The following NHERF2 variants were observed in gnomAD, a reference collection of about 807,000 sequenced individuals.
NHERF2 encodes NHERF family PDZ scaffold protein 2, also known as Na(+)/H(+) exchange regulatory cofactor NHE-RF2.
At chr16:2,033,280 A>C in the NHERF2 span, 7 of 1,531,094 alleles carry the variant, frequency 4.6e-6, no homozygotes, top group Non-Finnish European at 6.1e-6. Context: ...GTGGGGTGGC[A>C]GCCTGGGTCG....
the NHERF2 span, chr16:2,032,936 C>T: frequency 1.8e-6 from 2 of 1,086,220 alleles, no homozygotes; most frequent in South Asian, 4.9e-5. This position sits in a 1 kb window ranked among gnomAD's most constrained non-coding sequence, Gnocchi z 4.0. Context: ...GGTGACAGTT[C>T]TGCGGGAGGC....
chr16:2,032,246 T>C, the NHERF2 span, among the ~76,000 whole-genome samples: 2 of 151,690 alleles, frequency 1.3e-5, no homozygotes, highest in Non-Finnish European at 2.9e-5. The surrounding 1 kb of genome is among the most constrained non-coding windows in gnomAD (Gnocchi z 4.0). Flanking sequence ...TCTCAAACTC[T>C]TGGGCTCAAG....
chr16:2,037,346 C>T, the NHERF2 span, among the ~76,000 whole-genome samples: 4 of 152,250 alleles, frequency 2.6e-5, no homozygotes, highest in Non-Finnish European at 5.9e-5. Flanking sequence ...CACCATGAGC[C>T]GGCCAGGCCA....
At chr16:2,033,572 C>A in the NHERF2 span, 2 of 918,918 alleles carry the variant, frequency 2.2e-6, no homozygotes, top group Non-Finnish European at 3.2e-6. Flanking sequence ...TCTGCCAGGG[C>A]TGGTGCGTCA....
the NHERF2 span, among the ~76,000 whole-genome samples, chr16:2,037,224 G>A: frequency 1.3e-5 from 2 of 152,130 alleles, no homozygotes; most frequent in African/African-American, 4.8e-5. Flanking sequence ...TCCTCTCCTG[G>A]GCACCACCTG....
the NHERF2 span, among the ~76,000 whole-genome samples, chr16:2,028,437 A>G: frequency 1.3e-5 from 2 of 152,180 alleles, no homozygotes; most frequent in South Asian, 2.1e-4. Flanking sequence ...TGCTTTTCCA[A>G]GGCCCTGTGG....
chr16:2,032,210 G>C, the NHERF2 span, among the ~76,000 whole-genome samples: 1 of 152,088 alleles, frequency 6.6e-6, no homozygotes, highest in African/African-American at 2.4e-5. The surrounding 1 kb of genome is among the most constrained non-coding windows in gnomAD (Gnocchi z 4.0). Context: ...GGTAGAGACA[G>C]GGTTTCACCG....
At chr16:2,032,438 T>A in the NHERF2 span, among the ~76,000 whole-genome samples, 1 of 152,140 alleles carries the variant, frequency 6.6e-6, no homozygotes, top group East Asian at 1.9e-4. This position sits in a 1 kb window ranked among gnomAD's most constrained non-coding sequence, Gnocchi z 4.0. Context: ...AGGGCATGCC[T>A]CAGATGGTCA....
the NHERF2 span, chr16:2,032,877 G>C: frequency 2.1e-5 from 21 of 1,019,840 alleles, no homozygotes; most frequent in Non-Finnish European, 2.2e-5. This position sits in a 1 kb window ranked among gnomAD's most constrained non-coding sequence, Gnocchi z 4.0. Flanking sequence ...CCTAGCCCAT[G>C]TCTCCACCCC....
At chr16:2,029,072 A>G in the NHERF2 span, among the ~76,000 whole-genome samples, 189 of 151,982 alleles carry the variant, frequency 1.2e-3, no homozygotes, top group Non-Finnish European at 1.8e-3. Context: ...AGGAGTTTAG[A>G]CTCCCACACT....
the NHERF2 span, chr16:2,035,593 G>A: frequency 2.0e-5 from 20 of 986,314 alleles, no homozygotes; most frequent in Middle Eastern, 5.1e-4. Flanking sequence ...GCTGGCCACC[G>A]CCGCCGCACC....
At chr16:2,036,542 G>A in the NHERF2 span, 180 of 1,549,360 alleles carry the variant, frequency 1.2e-4, no homozygotes, top group Non-Finnish European at 1.3e-4. Context: ...CGAGTGCCCC[G>A]CACCTGTCCA....
the NHERF2 span, among the ~76,000 whole-genome samples, chr16:2,031,795 G>A: frequency 0.017 from 2,643 of 152,094 alleles, 71 homozygotes; most frequent in African/African-American, 0.06. Context: ...GGGTTCAAGC[G>A]ATTCTCTTGC....
chr16:2,032,965 CG>C, the NHERF2 span: 3 of 1,100,534 alleles, frequency 2.7e-6, no homozygotes, highest in Non-Finnish European at 3.3e-6. The surrounding 1 kb of genome is among the most constrained non-coding windows in gnomAD (Gnocchi z 4.0). Flanking sequence ...GGTTGGGGCG[CG>C]GTGCCTGCGG....
chr16:2,036,183 C>T, the NHERF2 span: 2 of 800,244 alleles, frequency 2.5e-6, no homozygotes, highest in Non-Finnish European at 1.9e-6. Context: ...AGCCTGGGTG[C>T]CCGGAGTGTT....
At chr16:2,033,466 GGAA>G in the NHERF2 span, 2 of 1,500,594 alleles carry the variant, frequency 1.3e-6, no homozygotes, top group South Asian at 2.4e-5. Flanking sequence ...AGGGCTAGGA[GGAA>G]CCGGCAGCCG....
chr16:2,029,905 C>A, the NHERF2 span: 1 of 801,494 alleles, frequency 1.2e-6, no homozygotes, highest in East Asian at 2.7e-5. Flanking sequence ...TTTTGGGGCT[C>A]CTTTTCTGCC....
chr16:2,030,612 TCCTA>T, the NHERF2 span, among the ~76,000 whole-genome samples: 5 of 146,880 alleles, frequency 3.4e-5, no homozygotes, highest in Admixed American at 3.4e-4. Flanking sequence ...CCATGTTCTC[TCCTA>T]CCTTTTTTTT....
chr16:2,035,371 C>CG, the NHERF2 span: 1 of 950,026 alleles, frequency 1.1e-6, no homozygotes, highest in African/African-American at 3.2e-5. Context: ...TCTGAGCGCC[C>CG]CCTTGCCATG....
Sources: gnomAD v4.1 joint callset for allele counts (sites outside exome capture counted in the v4.1 genomes callset) on GRCh38, gnomAD v4.1.1 for gene constraint, Gnocchi (gnomAD v3.1) non-coding constraint, MANE v1.5 for transcripts, NCBI Gene and HGNC (gene_info 2026-07-23, HGNC 2026-07-21) for gene names.